Variants in PPM1D observed in about 807,000 individuals in gnomAD.
PPM1D encodes the protein protein phosphatase 1D.
A neutral mutation model predicts 58.3 loss-of-function variants in PPM1D; 52 were observed. The observed-to-expected ratio is 0.89, with a 90% CI of 0.71 to 1.12. The LOEUF (loss-of-function observed/expected upper bound fraction) is 1.12, where lower values mean the gene tolerates loss of function less well. Ranked by LOEUF, PPM1D falls within the 50% of genes most tolerant of loss-of-function variation. The pLI is 0.00. For missense variants in PPM1D, 564 were observed against 777.2 expected (o/e 0.73, Z 3.26); for synonymous variants, 278 against 285.1 (o/e 0.98, Z 0.25).
intron 3 of PPM1D, among the ~76,000 whole-genome samples, chr17:60,640,387 TTG>T (rs1251425220): frequency 1.3e-5 from 2 of 152,208 alleles, no homozygotes; most frequent in East Asian, 1.9e-4. Flanking sequence ...ATAACCAGAT[TTG>T]TGTGTTTTTA....
intron 3 of PPM1D, among the ~76,000 whole-genome samples, chr17:60,644,313 A>G (rs1403825635): frequency 2.0e-5 from 3 of 151,928 alleles, no homozygotes; most frequent in African/African-American, 7.3e-5. Flanking sequence ...AAGTTTTTTT[A>G]AAAATAAAGA....
intron 4 of PPM1D, among the ~76,000 whole-genome samples, chr17:60,648,386 GT>G (rs201335786): frequency 0.07 from 9,457 of 135,602 alleles, 555 homozygotes; most frequent in African/African-American, 0.22. Flanking sequence ...AAAATTTATC[GT>G]TTTTTTTTTT....
intron 1 of PPM1D, among the ~76,000 whole-genome samples, chr17:60,613,436 C>G (rs917979080): frequency 2.6e-5 from 4 of 152,282 alleles, no homozygotes; most frequent in Admixed American, 2.0e-4. Flanking sequence ...AGCTTCTCCA[C>G]TTACTGAGAG....
chr17:60,600,222 T>TCGCTCCGG lies in PPM1D; in HGVS notation c.-183_-176dup, dbSNP rs923142586. On this transcript the variant is annotated 5_prime_UTR_variant, in exon 1 of 6. Coordinates refer to ENST00000305921, the MANE Select transcript of PPM1D (RefSeq NM_003620.4). ...CGCAGGCGCAACTGCCTGGCTCTGC[T>TCGCTCCGG]CGCTCCGGCGCTCCGGCCCAGCTCT... The TCGCTCCGG allele has an allele frequency of 1.3e-5, 15 of 1,164,138 alleles. No homozygotes were observed. The highest frequency in any genetic ancestry group is 5.9e-5 in the Admixed American group (2 of 33,698). 72.1% of individuals were successfully genotyped at this position (1,164,138 alleles called of 1,614,324 possible).
chr17:60,606,801 C>CT (rs1358849058), intron 1 of PPM1D, among the ~76,000 whole-genome samples: 3 of 151,838 alleles, frequency 2.0e-5, no homozygotes, highest in African/African-American at 4.8e-5. Flanking sequence ...TAAATATATT[C>CT]TTTTTTTGTG....
chr17:60,619,174 T>C (rs972408556), intron 1 of PPM1D, among the ~76,000 whole-genome samples: 2 of 152,202 alleles, frequency 1.3e-5, no homozygotes, highest in East Asian at 1.9e-4. Flanking sequence ...CTTAGCATAA[T>C]GTCCTACAGG....
chr17:60,632,560 A>G (rs1454654916), intron 2 of PPM1D, among the ~76,000 whole-genome samples: 1 of 151,438 alleles, frequency 6.6e-6, no homozygotes, highest in Non-Finnish European at 1.5e-5. Flanking sequence ...GAGACCCTGT[A>G]TCAGAAAACA....
chr17:60,641,383 A>G (rs2031131439), intron 3 of PPM1D, among the ~76,000 whole-genome samples: 2 of 152,080 alleles, frequency 1.3e-5, no homozygotes, highest in African/African-American at 2.4e-5. Context: ...GGCCGTTTGC[A>G]TGTCTTCTTT....
chr17:60,618,707 G>C (rs1027067282), intron 1 of PPM1D, among the ~76,000 whole-genome samples: 6 of 152,122 alleles, frequency 3.9e-5, no homozygotes, highest in Non-Finnish European at 7.4e-5. Flanking sequence ...TGGCGCGTAG[G>C]TGTGTGTATT....
chr17:60,613,690 G>A (rs969995200), intron 1 of PPM1D, among the ~76,000 whole-genome samples: 4 of 152,236 alleles, frequency 2.6e-5, no homozygotes, highest in South Asian at 2.1e-4. Flanking sequence ...CATGGGCTCC[G>A]CAGGCCCTGC....
At chr17:60,656,877 TA>T in intron 5 of PPM1D, 36 bp downstream of exon 5, 5 of 1,612,766 alleles carry the variant, frequency 3.1e-6, no homozygotes, top group Non-Finnish European at 4.2e-6. Context: ...TATGTTTTAA[TA>T]GACACCAGTT....
intron 1 of PPM1D, among the ~76,000 whole-genome samples, chr17:60,616,591 C>CA (rs1304994842): frequency 2.0e-5 from 3 of 152,078 alleles, no homozygotes; most frequent in African/African-American, 7.2e-5. Context: ...GCCTGGGTGA[C>CA]AGAGTGAGAC....
intron 4 of PPM1D, among the ~76,000 whole-genome samples, chr17:60,652,624 C>T (rs1289887652): frequency 6.9e-6 from 1 of 144,230 alleles, no homozygotes; most frequent in African/African-American, 2.6e-5. Flanking sequence ...ATTTACATTC[C>T]CACTAACACT....
chr17:60,628,316 G>T (rs2030852171), intron 2 of PPM1D, among the ~76,000 whole-genome samples: 2 of 152,124 alleles, frequency 1.3e-5, no homozygotes, highest in South Asian at 4.1e-4. Context: ...CTTCTCCAGA[G>T]TGTTTGTTAT....
At chr17:60,630,508 G>A (rs2030899218) in intron 2 of PPM1D, among the ~76,000 whole-genome samples, 1 of 152,160 alleles carries the variant, frequency 6.6e-6, no homozygotes, top group African/African-American at 2.4e-5. Flanking sequence ...CAACGGGCCA[G>A]CATTTTGTTT....
At chr17:60,652,472 C>T (rs2031362246) in intron 4 of PPM1D, among the ~76,000 whole-genome samples, 1 of 151,458 alleles carries the variant, frequency 6.6e-6, no homozygotes, top group African/African-American at 2.4e-5. Context: ...TGCAGATATA[C>T]CTTCAGTGTA....
Position 60,600,302 on chromosome 17 carries a change from C to A in PPM1D, c.-113C>A, listed in dbSNP as rs973859079. The stretch of plus-strand genomic sequence containing the variant: ...CCCTTCTCCGGGTCCGCCCCCTCCC[C>A]CTTCTCGGCGTCGTCGAAGATAAAC... On this transcript the variant is annotated 5_prime_UTR_variant, in exon 1 of 6. Transcript: ENST00000305921. 2 of 1,458,630 alleles carry A rather than the reference C, an allele frequency of 1.4e-6. No homozygotes were observed. Among genetic ancestry groups the A allele is most frequent in the African/African-American group, 1.5e-5 (1 of 68,324 alleles). 90.4% of individuals were successfully genotyped at this position (1,458,630 alleles called of 1,614,324 possible).
chr17:60,608,840 T>G (rs967419420), intron 1 of PPM1D, among the ~76,000 whole-genome samples: 1 of 151,706 alleles, frequency 6.6e-6, no homozygotes, highest in Admixed American at 6.6e-5. Context: ...CTCTGCCTCC[T>G]GGGTTCACAC....
rs548873085 is a variant in PPM1D at position 60,632,210 on chromosome 17, AC to A, written c.702-1641del. On this transcript the variant is annotated intron_variant, in intron 2 of 5. Transcript: ENST00000305921. ...CTCTGTCTCAAAAACAAAAAAAAAA[AC>A]CTAATCATATTTCCAAGTTTTAGGC... 3.7e-3 allele frequency among the ~76,000 whole-genome samples: 564 copies of A among 151,650 alleles called. 2 individuals are homozygous for A. Among genetic ancestry groups the A allele is most frequent in the African/African-American group, 0.013 (534 of 41,348 alleles).
Sources: allele counts gnomAD v4.1 joint callset (sites outside exome capture counted in the v4.1 genomes callset), GRCh38; gene constraint gnomAD v4.1.1; transcripts MANE v1.5; gene names NCBI Gene and HGNC (gene_info 2026-07-23, HGNC 2026-07-21).